The following CHCHD3 variants were observed in gnomAD, a reference collection of about 807,000 sequenced individuals.
CHCHD3 encodes the protein coiled-coil-helix-coiled-coil-helix domain containing 3, also known as MICOS complex subunit MIC19.
A neutral mutation model predicts 38.2 loss-of-function variants in CHCHD3; 20 were observed. The ratio of observed to expected loss-of-function variants is 0.52; its 90% CI spans 0.37 to 0.76. The LOEUF is 0.76. Among genes scored for constraint, CHCHD3 ranks in the 30% least tolerant of loss-of-function variants. CHCHD3 has a pLI of 0.00. For missense variants in CHCHD3, 245 were observed against 279.2 expected (o/e 0.88, Z 0.87); for synonymous variants, 82 against 100.0 (o/e 0.82, Z 1.07).
intron 7 of CHCHD3, among the ~76,000 whole-genome samples, chr7:132,793,103 C>T (rs1388952492): frequency 6.6e-6 from 1 of 152,174 alleles, no homozygotes; most frequent in African/African-American, 2.4e-5. Context: ...TTCTCATTCC[C>T]GCTCCTTTCC....
chr7:133,020,770 T>A (rs1813156550), intron 3 of CHCHD3, among the ~76,000 whole-genome samples: 1 of 152,116 alleles, frequency 6.6e-6, no homozygotes, highest in East Asian at 1.9e-4. Flanking sequence ...GTCACCGAGG[T>A]TTTGACGGCA....
chr7:133,020,310 T>A (rs1201670169), intron 3 of CHCHD3, among the ~76,000 whole-genome samples: 1 of 152,180 alleles, frequency 6.6e-6, no homozygotes, highest in Non-Finnish European at 1.5e-5. Flanking sequence ...AGAAACCTCC[T>A]CTAAGGCAAC....
At chr7:133,068,771 G>C (rs983220166) in intron 2 of CHCHD3, among the ~76,000 whole-genome samples, 3 of 152,184 alleles carry the variant, frequency 2.0e-5, no homozygotes, top group Non-Finnish European at 2.9e-5. Context: ...AAGGAAAAAA[G>C]AAAACAAGGA....
chr7:132,797,033 T>A (rs180873897), intron 6 of CHCHD3, among the ~76,000 whole-genome samples: 102 of 152,286 alleles, frequency 6.7e-4, no homozygotes, highest in African/African-American at 2.4e-3. Flanking sequence ...TCTCTCAGCT[T>A]TGACACCCTC....
chr7:132,827,581 C>T (rs1807537187), intron 6 of CHCHD3, among the ~76,000 whole-genome samples: 2 of 152,134 alleles, frequency 1.3e-5, no homozygotes, highest in Non-Finnish European at 1.5e-5. Flanking sequence ...TCACAATGCA[C>T]CAATCTTCAG....
chr7:132,962,656 T>G (rs542407885), intron 4 of CHCHD3, among the ~76,000 whole-genome samples: 1 of 152,322 alleles, frequency 6.6e-6, no homozygotes, highest in African/African-American at 2.4e-5. Flanking sequence ...TGAAAGCATT[T>G]TTAGTTCATG....
rs192932409 is a variant in CHCHD3 at position 132,904,936 on chromosome 7, A to G, written c.370-19191T>C. 2.0e-3 allele frequency among the ~76,000 whole-genome samples: 302 copies of G among 152,306 alleles called. 7 individuals are homozygous for G. The highest frequency in any genetic ancestry group is 2.5e-4 in the Non-Finnish European group (17 of 68,022). Reference sequence around the variant, plus strand: ...ATAAGAAAGGACGAGTTCATGTCCTATGCCAGGACATGGATGAAGCTGGAA... The same window carrying G: ...ATAAGAAAGGACGAGTTCATGTCCTGTGCCAGGACATGGATGAAGCTGGAA... On this transcript the variant is annotated intron_variant, in intron 4 of 7. Coordinates refer to ENST00000262570, the MANE Select transcript of CHCHD3 (RefSeq NM_017812.4).
In CHCHD3 at chr7:132,838,436, A is replaced by G. The variant is rs1807848690; in HGVS notation, c.487T>C (p.Tyr163His). 3 of 1,612,974 alleles carry G rather than the reference A, an allele frequency of 1.9e-6. No individual in the cohort carries two copies. Among genetic ancestry groups the G allele is most frequent in the African/African-American group, 1.3e-5 (1 of 74,900 alleles). Residue 163 changes from tyrosine (Y) to histidine (H), a missense_variant, in exon 6 of 8, where the codon TAT (tyrosine) becomes CAT (histidine). By Grantham distance (83) the Tyr-to-His change is moderately conservative (BLOSUM62 2). Coordinates refer to ENST00000262570, the MANE Select transcript of CHCHD3 (RefSeq NM_017812.4). ...SEFYRVTTEQ[Y>H]QKAAEEVEAK... ...TCCACCTCTTCAGCAGCTTTCTGATATTGTTCAGTGGTGACTCTGTAGAAC... is the reference window on the plus strand; with the variant it reads ...TCCACCTCTTCAGCAGCTTTCTGATGTTGTTCAGTGGTGACTCTGTAGAAC...
At chr7:132,986,652 C>G (rs1197487133) in intron 3 of CHCHD3, among the ~76,000 whole-genome samples, 2 of 152,180 alleles carry the variant, frequency 1.3e-5, no homozygotes, top group Non-Finnish European at 2.9e-5. Context: ...GACCAAGAAA[C>G]AGCAAACCAG....
At chr7:133,031,608 A>G (rs939227237) in intron 2 of CHCHD3, among the ~76,000 whole-genome samples, 11 of 152,266 alleles carry the variant, frequency 7.2e-5, no homozygotes, top group African/African-American at 1.4e-4. Flanking sequence ...TCTTAGAGAA[A>G]TATCAGTTCC....
Position 133,035,061 on chromosome 7 carries a change from G to A in CHCHD3, c.170-10434C>T. 1 of 1,613,702 alleles carries A rather than the reference G, an allele frequency of 6.2e-7. No individual in the cohort carries two copies. The highest frequency in any genetic ancestry group is 8.5e-7 in the Non-Finnish European group (1 of 1,179,744). ...GCGCTTAAATTCATCCAACACAAAG[G>A]TACTCTTGGGCAGGTGAGCGAAGGG... On this transcript the variant is annotated intron_variant, in intron 2 of 7. Coordinates refer to ENST00000262570, the MANE Select transcript of CHCHD3 (RefSeq NM_017812.4). This position sits in a 1 kb window ranked among gnomAD's most constrained non-coding sequence, Gnocchi z 4.7.
intron 5 of CHCHD3, among the ~76,000 whole-genome samples, chr7:132,852,962 G>C (rs1732766484): frequency 6.6e-6 from 1 of 152,190 alleles, no homozygotes; most frequent in Non-Finnish European, 1.5e-5. Flanking sequence ...TGAAGATTGA[G>C]CAAACCTCTG....
intron 2 of CHCHD3, chr7:133,034,587 T>A (rs1813601079): frequency 4.9e-6 from 7 of 1,417,528 alleles, no homozygotes; most frequent in Non-Finnish European, 5.7e-6. Context: ...TGCAGGCAGC[T>A]AGGTGATGGC....
chr7:132,876,395 G>T (rs901360174), intron 5 of CHCHD3, among the ~76,000 whole-genome samples: 1 of 152,182 alleles, frequency 6.6e-6, no homozygotes, highest in Admixed American at 6.5e-5. Flanking sequence ...TTCCTAAAAT[G>T]TAAAGAATCT....
At position 133,060,631 on chromosome 7, in the gene CHCHD3, G is replaced by A. The variant is rs149955291; in HGVS notation, c.169+9511C>T. 8.1e-3 allele frequency among the ~76,000 whole-genome samples: 1,234 copies of A among 152,278 alleles called. 17 individuals carry two copies. Among genetic ancestry groups the A allele is most frequent in the African/African-American group, 0.028 (1,167 of 41,554 alleles). On this transcript the variant is annotated intron_variant, in intron 2 of 7. Transcript: ENST00000262570. The stretch of plus-strand genomic sequence containing the variant: ...ACGGTCAAAAACCCAAAAGGAGGCC[G>A]GGTGCGGTGGCTCAGGCCTGTAATC...
At chr7:132,957,632 C>T (rs1195424539) in intron 4 of CHCHD3, among the ~76,000 whole-genome samples, 5 of 152,154 alleles carry the variant, frequency 3.3e-5, no homozygotes, top group African/African-American at 1.2e-4. Flanking sequence ...CAGGCTGCGC[C>T]ACCGCACCTG....
At chr7:132,955,471 C>T (rs1811139934) in intron 4 of CHCHD3, among the ~76,000 whole-genome samples, 2 of 150,412 alleles carry the variant, frequency 1.3e-5, no homozygotes, top group Admixed American at 6.7e-5. Flanking sequence ...AACTAGACTA[C>T]GATATCCAGA....
chr7:133,013,471 T>A (rs1462158104), intron 3 of CHCHD3, among the ~76,000 whole-genome samples: 1 of 152,190 alleles, frequency 6.6e-6, no homozygotes, highest in African/African-American at 2.4e-5. Flanking sequence ...TAATCACATG[T>A]GCAAAGGGCT....
At chr7:132,794,412 C>T (rs183619277) in intron 7 of CHCHD3, among the ~76,000 whole-genome samples, 41 of 152,238 alleles carry the variant, frequency 2.7e-4, no homozygotes, top group Non-Finnish European at 1.0e-4. Context: ...TCTCTATTTA[C>T]ATCTCAGGTT....
Sources: gnomAD v4.1 joint callset for allele counts (sites outside exome capture counted in the v4.1 genomes callset) on GRCh38, gnomAD v4.1.1 for gene constraint, Gnocchi (gnomAD v3.1) non-coding constraint, MANE v1.5 for transcripts, NCBI Gene and HGNC (gene_info 2026-07-23, HGNC 2026-07-21) for gene names.